MAGI2: variants seen among roughly 807,000 people sequenced by gnomAD.
The protein encoded by MAGI2 is membrane associated guanylate kinase, WW and PDZ domain containing 2.
A neutral mutation model predicts 133.3 loss-of-function variants in MAGI2; 35 were observed. The ratio of observed to expected loss-of-function variants is 0.26; its 90% CI spans 0.20 to 0.35. The LOEUF (loss-of-function observed/expected upper bound fraction) is 0.35, where lower values mean the gene tolerates loss of function less well. Ranked by LOEUF, MAGI2 falls within the 10% of genes least tolerant of loss-of-function variation. MAGI2 has a pLI of 1.00. For missense variants in MAGI2, 1,636 were observed against 1,863.4 expected, an observed-to-expected ratio of 0.88 and a Z score of 2.25; for synonymous variants, 729 against 710.6, an observed-to-expected ratio of 1.03 and a Z score of -0.41.
At chr7:78,493,892 G>A (rs547476577) in intron 5 of MAGI2, among the ~76,000 whole-genome samples, 1 of 152,160 alleles carries the variant, frequency 6.6e-6, no homozygotes, top group Non-Finnish European at 1.5e-5. Context: ...CACTGTGATT[G>A]AGGAGGCATT....
intron 1 of MAGI2, among the ~76,000 whole-genome samples, chr7:79,261,632 C>A (rs956327799): frequency 1.3e-5 from 2 of 152,116 alleles, no homozygotes; most frequent in Non-Finnish European, 2.9e-5. Flanking sequence ...CATTCATATT[C>A]CTCTATTCCC....
intron 1 of MAGI2, among the ~76,000 whole-genome samples, chr7:79,132,668 T>C (rs1224341954): frequency 6.6e-6 from 1 of 152,128 alleles, no homozygotes; most frequent in Non-Finnish European, 1.5e-5. Flanking sequence ...AGGAGTGGGA[T>C]TGCTAGATTG....
At chr7:78,428,684 A>T (rs1360761331) in intron 6 of MAGI2, among the ~76,000 whole-genome samples, 1 of 152,176 alleles carries the variant, frequency 6.6e-6, no homozygotes, top group Non-Finnish European at 1.5e-5. Context: ...CTGAGACCCC[A>T]TAAAAAGCCT....
At position 78,579,134 on chromosome 7, in the gene MAGI2, TA is replaced by T. The variant is rs1802577948; in HGVS notation, c.538+47985del. ...AGCTCCATGCTACTTAAAGGAAAAA[TA>T]AAAAGCAACAACAAAAAACAAAACT... On this transcript the variant is annotated intron_variant, in intron 3 of 21. Coordinates refer to ENST00000354212, the MANE Select transcript of MAGI2 (RefSeq NM_012301.4). Among the ~76,000 whole-genome samples the T allele has an allele frequency of 2.0e-5, 3 of 151,918 alleles. No homozygotes were observed. The South Asian group carries it at 6.2e-4, about 32-fold the overall frequency.
chr7:79,289,860 T>TGTC (rs1359097831), intron 1 of MAGI2, among the ~76,000 whole-genome samples: 1 of 152,070 alleles, frequency 6.6e-6, no homozygotes, highest in African/African-American at 2.4e-5. Flanking sequence ...AATTAATATC[T>TGTC]GTCTTAGAAT....
chr7:79,135,356 G>C (rs902145276), intron 1 of MAGI2, among the ~76,000 whole-genome samples: 5 of 152,098 alleles, frequency 3.3e-5, no homozygotes, highest in African/African-American at 1.2e-4. Context: ...AAATTACATA[G>C]ATTTTTGTTT....
intron 2 of MAGI2, among the ~76,000 whole-genome samples, chr7:78,953,596 G>C (rs867655563): frequency 1.1e-4 from 16 of 151,926 alleles, no homozygotes; most frequent in African/African-American, 3.9e-4. Context: ...TGAATTCTTA[G>C]ATCAATATGA....
intron 20 of MAGI2, among the ~76,000 whole-genome samples, chr7:78,119,993 A>G (rs895087379): frequency 6.6e-6 from 1 of 152,260 alleles, no homozygotes; most frequent in Non-Finnish European, 1.5e-5. Context: ...GAAAATCTAC[A>G]TAAATGGATT....
chr7:79,328,985 G>A (rs993570852), intron 1 of MAGI2, among the ~76,000 whole-genome samples: 1 of 152,160 alleles, frequency 6.6e-6, no homozygotes, highest in Non-Finnish European at 1.5e-5. Flanking sequence ...GGGCCCTACT[G>A]CGGATCTACT....
chr7:78,918,668 G>T (rs1032916987), intron 2 of MAGI2, among the ~76,000 whole-genome samples: 2 of 152,076 alleles, frequency 1.3e-5, no homozygotes, highest in Admixed American at 6.6e-5. Context: ...TTTTTGAAAA[G>T]GTTATATAAC....
chr7:79,059,005 T>C (rs1287262858), intron 1 of MAGI2, among the ~76,000 whole-genome samples: 1 of 152,078 alleles, frequency 6.6e-6, no homozygotes, highest in Non-Finnish European at 1.5e-5. Flanking sequence ...AAGTAGTCAA[T>C]AAATAGGAGT....
intron 10 of MAGI2, among the ~76,000 whole-genome samples, chr7:78,250,266 G>T (rs1792248980): frequency 6.6e-6 from 1 of 152,044 alleles, no homozygotes; most frequent in African/African-American, 2.4e-5. Flanking sequence ...AATTCCAAAT[G>T]TTGGGATAAT....
At chr7:78,943,104 G>A (rs962809459) in intron 2 of MAGI2, among the ~76,000 whole-genome samples, 1 of 151,976 alleles carries the variant, frequency 6.6e-6, no homozygotes, top group Non-Finnish European at 1.5e-5. Flanking sequence ...GTAAAATAAG[G>A]GAAGGTCTGC....
intron 1 of MAGI2, among the ~76,000 whole-genome samples, chr7:79,071,258 C>T (rs1814931703): frequency 6.6e-6 from 1 of 152,194 alleles, no homozygotes; most frequent in East Asian, 1.9e-4. Flanking sequence ...CCCTGTTTGC[C>T]TGGGTATCAC....
intron 21 of MAGI2, among the ~76,000 whole-genome samples, chr7:78,053,179 A>G (rs11764218): frequency 0.27 from 41,743 of 152,202 alleles, 6,910 homozygotes; most frequent in African/African-American, 0.46. Flanking sequence ...AAGAGAGCCC[A>G]TTAGAGCATC....
intron 1 of MAGI2, among the ~76,000 whole-genome samples, chr7:79,185,153 C>T (rs1826966119): frequency 6.6e-6 from 1 of 151,542 alleles, no homozygotes; most frequent in African/African-American, 2.4e-5. Flanking sequence ...GAAATTGATG[C>T]TGAGAGAAAT....
chr7:78,488,301 A>G (rs1213722026), intron 6 of MAGI2, among the ~76,000 whole-genome samples: 1 of 152,040 alleles, frequency 6.6e-6, no homozygotes, highest in African/African-American at 2.4e-5. Flanking sequence ...AAATATTATA[A>G]TTATGCAATA....
At chr7:78,834,514 G>C (rs1430568170) in intron 2 of MAGI2, among the ~76,000 whole-genome samples, 2 of 152,108 alleles carry the variant, frequency 1.3e-5, no homozygotes, top group South Asian at 4.1e-4. Context: ...GCATGTATCA[G>C]TTTTTCATTC....
At chr7:78,447,029 T>C (rs1369615379) in intron 6 of MAGI2, among the ~76,000 whole-genome samples, 1 of 152,104 alleles carries the variant, frequency 6.6e-6, no homozygotes, top group Non-Finnish European at 1.5e-5. Context: ...CAACAAATTT[T>C]TCATCAGAAT....
Sources: allele counts gnomAD v4.1 joint callset (sites outside exome capture counted in the v4.1 genomes callset), GRCh38; gene constraint gnomAD v4.1.1; transcripts MANE v1.5; gene names NCBI Gene and HGNC (gene_info 2026-07-23, HGNC 2026-07-21).